The following PCDHA4 variants were observed in gnomAD, a reference collection of about 807,000 sequenced individuals.
The protein encoded by PCDHA4 is protocadherin alpha 4.
A neutral mutation model predicts 61.4 loss-of-function variants in PCDHA4; 49 were observed. The observed-to-expected ratio is 0.80, with a 90% CI of 0.63 to 1.01. The LOEUF (loss-of-function observed/expected upper bound fraction) is 1.01. PCDHA4 is among the 50% of genes least tolerant of loss of function. The probability of loss-of-function intolerance (pLI) is 0.00; values close to 1 mark genes in which losing one functional copy is unlikely to be tolerated. For synonymous variants in PCDHA4, 590 were observed against 550.3 expected, an observed-to-expected ratio of 1.07 and a Z score of -1.01; for missense variants, 1,254 against 1,235.8, an observed-to-expected ratio of 1.01 and a Z score of -0.22.
intron 1 of PCDHA4, among the ~76,000 whole-genome samples, chr5:140,960,605 A>G (rs1405858302): frequency 6.6e-6 from 1 of 152,184 alleles, no homozygotes; most frequent in Non-Finnish European, 1.5e-5. Flanking sequence ...TACTTCAACA[A>G]TATCTAGTGT....
At chr5:140,897,759 G>A (rs1238732675) in intron 1 of PCDHA4, among the ~76,000 whole-genome samples, 7 of 152,228 alleles carry the variant, frequency 4.6e-5, no homozygotes, top group South Asian at 2.1e-4. Flanking sequence ...CTGAGGAATC[G>A]CCACACTGAC....
At chr5:140,884,158 G>T (rs376345503) in intron 1 of PCDHA4, 6 of 1,613,488 alleles carry the variant, frequency 3.7e-6, no homozygotes, top group Non-Finnish European at 5.1e-6. Context: ...ACACTGGCGA[G>T]ATCAGCACGA....
chr5:140,946,974 G>A (rs1554217987), intron 1 of PCDHA4, among the ~76,000 whole-genome samples: 1 of 151,636 alleles, frequency 6.6e-6, no homozygotes, highest in African/African-American at 2.4e-5. Context: ...TTATAGAATA[G>A]AGGATTTTGA....
chr5:140,807,477 G>A lies in PCDHA4; in HGVS notation c.290G>A (p.Arg97Gln), dbSNP rs111900306. ...NSRIDREELC[R>Q]RSAECSIHLE... is the part of the protein sequence containing the mutation. ...CGGATCGACCGGGAGGAGCTGTGCCGGCGGAGCGCGGAGTGCAGCATCCAC... is the reference window on the plus strand; with the variant it reads ...CGGATCGACCGGGAGGAGCTGTGCCAGCGGAGCGCGGAGTGCAGCATCCAC... Residue 97 changes from arginine to glutamine, a missense_variant, in exon 1 of 4, where the codon CGG (arginine) becomes CAG (glutamine). Transcript: ENST00000530339. The A allele has an allele frequency of 1.2e-6, 2 of 1,613,196 alleles. No individual in the cohort carries two copies. Among genetic ancestry groups the A allele is most frequent in the Non-Finnish European group, 1.7e-6 (2 of 1,179,758 alleles).
intron 1 of PCDHA4, chr5:140,859,929 A>T (rs568538695): frequency 4.2e-4 from 64 of 152,162 alleles, no homozygotes; most frequent in African/African-American, 1.3e-3. Flanking sequence ...TAATATAAAA[A>T]ACTTAGTAAA....
At chr5:140,874,680 T>C (rs1018074001) in intron 1 of PCDHA4, among the ~76,000 whole-genome samples, 1 of 152,258 alleles carries the variant, frequency 6.6e-6, no homozygotes, top group Non-Finnish European at 1.5e-5. Flanking sequence ...TCCTGAGATT[T>C]GTTTTAACAT....
chr5:140,860,740 T>G (rs934240513), intron 1 of PCDHA4: 1 of 152,266 alleles, frequency 6.6e-6, no homozygotes, highest in Non-Finnish European at 1.5e-5. Context: ...TTTTGTTTTT[T>G]ATTTTTTATT....
In PCDHA4 at chr5:140,846,617, G is replaced by A. The variant is rs2150393003; in HGVS notation, c.2385+37045G>A. Among the ~76,000 whole-genome samples, 14 of 148,740 alleles carry A rather than the reference G, an allele frequency of 9.4e-5. 1 individual carries two copies. The highest frequency in any genetic ancestry group is 1.7e-4 in the African/African-American group (7 of 40,642). ...TCTCGATCTCCTGACCTCCTGATCC[G>A]CCCACTTCGGCCTCCTAAAGTGCTG... is the stretch of plus-strand genomic sequence containing the variant. On this transcript the variant is annotated intron_variant, in intron 1 of 3. Transcript: ENST00000530339.
In PCDHA4 at chr5:140,971,294, T is replaced by C. The variant is rs3776113; in HGVS notation, c.2386-7655T>C. Reference sequence around the variant, plus strand: ...CTGACCTGTATATTAATATGTACTTTGGTACACAAACATTTAATCTAGGGA... The same window carrying C: ...CTGACCTGTATATTAATATGTACTTCGGTACACAAACATTTAATCTAGGGA... On this transcript the variant is annotated intron_variant, in intron 1 of 3. Transcript: ENST00000530339. Among the ~76,000 whole-genome samples the C allele has an allele frequency of 6.4e-4, 97 of 152,362 alleles. No individual in the cohort carries two copies. In the East Asian group the frequency reaches 0.018, roughly 28 times the overall value.
At chr5:140,968,463 A>G (rs1012242019) in intron 1 of PCDHA4, 6 of 1,613,994 alleles carry the variant, frequency 3.7e-6, no homozygotes, top group Middle Eastern at 1.6e-4. Context: ...GTGACTGCCA[A>G]CGTATATGTG....
intron 1 of PCDHA4, chr5:140,830,356 G>A (rs1771016173): frequency 1.2e-6 from 2 of 1,614,144 alleles, no homozygotes; most frequent in East Asian, 2.2e-5. Flanking sequence ...AGCAGAGGCG[G>A]CAGAGGGTGT....
Position 140,809,417 on chromosome 5 carries a change from G to C in PCDHA4, c.2230G>C (p.Ala744Pro), listed in dbSNP as rs1168580497. 4 of 1,614,124 alleles carry C rather than the reference G, an allele frequency of 2.5e-6. No homozygotes were observed. Among genetic ancestry groups the C allele is most frequent in the Non-Finnish European group, 3.4e-6 (4 of 1,180,054 alleles). The change falls in exon 1 of 4, where the codon GCG (alanine) becomes CCG (proline). Residue 744 changes from alanine to proline, a missense_variant. Ala to Pro is a conservative substitution (Grantham distance 27, BLOSUM62 -1). Transcript: ENST00000530339. ...PGKPTLVCSS[A>P]VGSWSYSQQR... is the part of the protein sequence containing the mutation. ...CAAGCCCACGCTGGTGTGCTCCAGT[G>C]CGGTGGGGAGCTGGTCATACTCGCA...
intron 3 of PCDHA4, among the ~76,000 whole-genome samples, chr5:140,996,730 A>G (rs1271920339): frequency 2.6e-5 from 4 of 152,228 alleles, no homozygotes; most frequent in African/African-American, 9.6e-5. Context: ...AGAAGAAACA[A>G]AAGTCATAAC....
intron 1 of PCDHA4, among the ~76,000 whole-genome samples, chr5:140,941,194 T>TCTTTCTTC (rs781885331): frequency 0.027 from 3,012 of 112,124 alleles, 85 homozygotes; most frequent in African/African-American, 0.068. Flanking sequence ...TCTTTTTTTT[T>TCTTTCTTC]CTTTCTTCCT....
chr5:140,981,489 G>A (rs1554242906), intron 2 of PCDHA4, among the ~76,000 whole-genome samples: 1 of 152,194 alleles, frequency 6.6e-6, no homozygotes, highest in Non-Finnish European at 1.5e-5. Flanking sequence ...CAGGAGAATT[G>A]CTTGAACCTG....
Position 140,851,840 on chromosome 5 carries a change from T to C in PCDHA4, c.2385+42268T>C. ...AGAAATCTGTTTTTTTAAAAATATCTTTTTCTCCTCTCAGCTCATACATAA... is the reference window on the plus strand; with the variant it reads ...AGAAATCTGTTTTTTTAAAAATATCCTTTTCTCCTCTCAGCTCATACATAA... On this transcript the variant is annotated intron_variant, in intron 1 of 3. Coordinates refer to ENST00000530339, the MANE Select transcript of PCDHA4 (RefSeq NM_018907.4). 3 of 970,528 alleles carry C rather than the reference T, an allele frequency of 3.1e-6. 1 individual carries two copies. The highest frequency in any genetic ancestry group is 3.7e-6 in the Non-Finnish European group (3 of 803,428). The allele number at this position is 970,528 out of a possible 1,614,324, so 60.1% of individuals were successfully genotyped here.
intron 1 of PCDHA4, chr5:140,863,533 G>A: frequency 2.6e-6 from 1 of 389,860 alleles, no homozygotes; most frequent in Non-Finnish European, 5.0e-6. Flanking sequence ...TTCAGATTTT[G>A]GAGATGGACT....
At chr5:140,899,382 TGA>T (rs2067295037) in intron 1 of PCDHA4, among the ~76,000 whole-genome samples, 1 of 152,198 alleles carries the variant, frequency 6.6e-6, no homozygotes, top group Non-Finnish European at 1.5e-5. Context: ...CCTAATTTAT[TGA>T]GAGTTTTTAG....
chr5:140,808,724 G>C lies in PCDHA4; in HGVS notation c.1537G>C (p.Glu513Gln), dbSNP rs114390057. Residue 513 changes from glutamate (E) to glutamine (Q), a missense_variant, in exon 1 of 4, where the codon GAG (glutamate) becomes CAG (glutamine). Physicochemically the swap from Glu to Gln is conservative, Grantham distance 29. Transcript: ENST00000530339. ...ALSSYVSVHAESGKVYALQPL... is the reference protein window; with the variant it reads ...ALSSYVSVHAQSGKVYALQPL... Reference sequence around the variant, plus strand: ...GTCGAGCTACGTTTCGGTGCATGCGGAGAGCGGCAAGGTGTACGCGCTGCA... The same window carrying C: ...GTCGAGCTACGTTTCGGTGCATGCGCAGAGCGGCAAGGTGTACGCGCTGCA... 1.9e-6 allele frequency: 3 copies of C among 1,612,100 alleles called. No individual in the cohort carries two copies. The highest frequency in any genetic ancestry group is 2.1e-4 in the Middle Eastern group (1 of 4,788).
Sources: gnomAD v4.1 joint callset for allele counts (sites outside exome capture counted in the v4.1 genomes callset) on GRCh38, gnomAD v4.1.1 for gene constraint, MANE v1.5 for transcripts, NCBI Gene and HGNC (gene_info 2026-07-23, HGNC 2026-07-21) for gene names.